Variants in ZNF678 observed in about 807,000 individuals in gnomAD.
ZNF678 encodes the protein zinc finger protein 678, also known as hypothetical protein MGC42493.
ZNF678 carries 5 observed loss-of-function variants against 3.0 expected under a neutral mutation model. The observed-to-expected ratio is 1.69, with a 90% CI of 0.88 to 3.56. The LOEUF (loss-of-function observed/expected upper bound fraction) is 3.56, where lower values mean the gene tolerates loss of function less well. Among genes scored for constraint, ZNF678 ranks in the 30% most tolerant of loss-of-function variants. ZNF678 has a pLI of 0.00. For missense variants in ZNF678, 593 were observed against 605.0 expected (o/e 0.98, Z 0.21); for synonymous variants, 218 against 199.6 (o/e 1.09, Z -0.78).
chr1:227,612,188 T>A (rs1658037395), intron 1 of ZNF678, among the ~76,000 whole-genome samples: 1 of 152,154 alleles, frequency 6.6e-6, no homozygotes, highest in African/African-American at 2.4e-5. Flanking sequence ...AGATAAACCC[T>A]TCCAGCTGCA....
intron 5 of ZNF678, among the ~76,000 whole-genome samples, chr1:227,672,527 C>A (rs575155966): frequency 1.3e-5 from 2 of 152,120 alleles, no homozygotes; most frequent in Non-Finnish European, 2.9e-5. Context: ...GTGGAGACTC[C>A]TACTCACATC....
rs550212411 is a variant in ZNF678, at chr1:227,600,575, G to T, written c.-164+36851G>T. ...AGCTTTTTAAAAATGATTGTTGGCT[G>T]CATGTATATCTTTTTTTTGAAAAGT... On this transcript the variant is annotated intron_variant, in intron 1 of 3. Transcript: ENST00000343776. Among the ~76,000 whole-genome samples the T allele has an allele frequency of 3.9e-5, 6 of 152,276 alleles. No individual in the cohort carries two copies. The South Asian group carries it at 1.2e-3, about 32-fold the overall frequency.
intron 5 of ZNF678, among the ~76,000 whole-genome samples, chr1:227,676,725 T>C (rs370661892): frequency 7.3e-6 from 1 of 136,714 alleles, no homozygotes; most frequent in East Asian, 2.4e-4. Flanking sequence ...CCTGTGTCCA[T>C]GTGTTCTCAT....
At chr1:227,569,316 T>C (rs574589916) in intron 1 of ZNF678, among the ~76,000 whole-genome samples, 1 of 152,330 alleles carries the variant, frequency 6.6e-6, no homozygotes, top group East Asian at 1.9e-4. Context: ...TATTTTTTCT[T>C]CTGCTTCTTG....
At chr1:227,639,279 T>A (rs1658758584) in intron 1 of ZNF678, among the ~76,000 whole-genome samples, 1 of 152,222 alleles carries the variant, frequency 6.6e-6, no homozygotes, top group Non-Finnish European at 1.5e-5. Context: ...TGTGTGGAGC[T>A]GCCACCCAGT....
At chr1:227,623,423 G>A (rs1658329065) in intron 1 of ZNF678, among the ~76,000 whole-genome samples, 1 of 152,140 alleles carries the variant, frequency 6.6e-6, no homozygotes, top group East Asian at 1.9e-4. Flanking sequence ...CAGGTTTGTT[G>A]GCAAGAACTT....
chr1:227,593,157 C>T (rs1657461156), intron 1 of ZNF678, among the ~76,000 whole-genome samples: 1 of 152,246 alleles, frequency 6.6e-6, no homozygotes, highest in African/African-American at 2.4e-5. Flanking sequence ...AAAAGAGCTA[C>T]CATGCAGCCT....
intron 5 of ZNF678, among the ~76,000 whole-genome samples, chr1:227,669,810 A>G (rs187256583): frequency 3.9e-5 from 6 of 152,314 alleles, no homozygotes; most frequent in African/African-American, 1.4e-4. Flanking sequence ...CAAAGAACTT[A>G]AAACAGAGTT....
intron 1 of ZNF678, chr1:227,598,544 C>CT (rs753053967): frequency 2.4e-5 from 25 of 1,035,450 alleles, no homozygotes; most frequent in Non-Finnish European, 3.2e-5. Context: ...TGCTTTTCTT[C>CT]TTTTTTGCTC....
chr1:227,571,730 G>A (rs1656847430), intron 1 of ZNF678, among the ~76,000 whole-genome samples: 1 of 152,192 alleles, frequency 6.6e-6, no homozygotes. Flanking sequence ...GGAAATTTCT[G>A]ATATTGTCCT....
chr1:227,574,865 A>G (rs538601861), intron 1 of ZNF678, among the ~76,000 whole-genome samples: 9 of 152,248 alleles, frequency 5.9e-5, no homozygotes, highest in South Asian at 2.1e-4. Flanking sequence ...TCCAATTTCA[A>G]TCTTCTGCAA....
At chr1:227,585,370 A>G (rs1020277520) in intron 1 of ZNF678, among the ~76,000 whole-genome samples, 1 of 152,248 alleles carries the variant, frequency 6.6e-6, no homozygotes, top group African/African-American at 2.4e-5. Flanking sequence ...ATACATATCT[A>G]TGAACCTTAA....
At chr1:227,648,014 CAG>C (rs1658999450) in intron 2 of ZNF678, among the ~76,000 whole-genome samples, 1 of 152,108 alleles carries the variant, frequency 6.6e-6, no homozygotes, top group Non-Finnish European at 1.5e-5. Flanking sequence ...AGCTCATACT[CAG>C]TGATTTTATC....
At chr1:227,574,676 T>C (rs1656943541) in intron 1 of ZNF678, among the ~76,000 whole-genome samples, 1 of 152,210 alleles carries the variant, frequency 6.6e-6, no homozygotes, top group Admixed American at 6.5e-5. Context: ...CAAATCCCAT[T>C]TGCCAATTTT....
At chr1:227,668,855 A>G (rs1050771317) in intron 5 of ZNF678, among the ~76,000 whole-genome samples, 1 of 151,912 alleles carries the variant, frequency 6.6e-6, no homozygotes, top group African/African-American at 2.4e-5. Flanking sequence ...AGCCTTCTTA[A>G]AGATCAGATG....
intron 1 of ZNF678, among the ~76,000 whole-genome samples, chr1:227,579,101 G>C (rs1031385036): frequency 1.3e-5 from 2 of 152,128 alleles, no homozygotes; most frequent in African/African-American, 4.8e-5. Flanking sequence ...CTGGAGGTTT[G>C]GAATCCACTG....
intron 1 of ZNF678, among the ~76,000 whole-genome samples, chr1:227,602,783 G>T (rs1275910330): frequency 6.6e-6 from 1 of 152,168 alleles, no homozygotes; most frequent in African/African-American, 2.4e-5. Context: ...ACTTAAAAAG[G>T]TCTTAAATGA....
chr1:227,642,863 A>G (rs752035202), intron 1 of ZNF678, among the ~76,000 whole-genome samples: 4 of 152,158 alleles, frequency 2.6e-5, no homozygotes, highest in African/African-American at 4.8e-5. Context: ...GTTTCCTGGT[A>G]CTTGGATGAA....
intron 1 of ZNF678, among the ~76,000 whole-genome samples, chr1:227,628,168 C>T (rs1288518958): frequency 6.6e-6 from 1 of 152,272 alleles, no homozygotes; most frequent in African/African-American, 2.4e-5. Flanking sequence ...AAGACTGCTA[C>T]TGCTGCCACT....
Sources: gnomAD v4.1 joint callset for allele counts (sites outside exome capture counted in the v4.1 genomes callset) on GRCh38, gnomAD v4.1.1 for gene constraint, MANE v1.5 for transcripts, NCBI Gene and HGNC (gene_info 2026-07-23, HGNC 2026-07-21) for gene names.